The following DYNC2H1 variants were observed in gnomAD, a reference collection of about 807,000 sequenced individuals.
DYNC2H1 encodes the protein cytoplasmic dynein 2 heavy chain 1.
DYNC2H1 carries 410 observed loss-of-function variants against 570.0 expected under a neutral mutation model. The observed-to-expected ratio is 0.72, with a 90% CI of 0.66 to 0.78. The LOEUF (loss-of-function observed/expected upper bound fraction) is 0.78, where lower values mean the gene tolerates loss of function less well. DYNC2H1 is among the 30% of genes least tolerant of loss of function. DYNC2H1 has a pLI of 0.00. For synonymous variants in DYNC2H1, 1,688 were observed against 1,677.6 expected, an observed-to-expected ratio of 1.01 and a Z score of -0.15; for missense variants, 4,865 against 5,046.4, an observed-to-expected ratio of 0.96 and a Z score of 1.09.
Position 103,209,200 on chromosome 11 carries a change from A to G in DYNC2H1, c.8455-676A>G, listed in dbSNP as rs1156649996. Among the ~76,000 whole-genome samples the G allele has an allele frequency of 1.3e-5, 2 of 152,052 alleles. No homozygotes were observed. On this transcript the variant is annotated intron_variant, in intron 52 of 88. Coordinates refer to ENST00000375735, the MANE Select transcript of DYNC2H1 (RefSeq NM_001377.3). The surrounding 1 kb of genome is among the most constrained non-coding windows in gnomAD (Gnocchi z 4.2). ...TCTTCTTGCTGGTAACTTCAGCTCT[A>G]TCAGGTGAAAGAAATTGAAGCTATT...
At chr11:103,370,213 C>T (rs1017868077) in intron 83 of DYNC2H1, among the ~76,000 whole-genome samples, 5 of 152,164 alleles carry the variant, frequency 3.3e-5, no homozygotes, top group Admixed American at 3.3e-4. Flanking sequence ...GCAGTGGCCA[C>T]GAGTGAGGCT....
intron 83 of DYNC2H1, among the ~76,000 whole-genome samples, chr11:103,387,179 T>C (rs1431792021): frequency 1.3e-5 from 2 of 152,238 alleles, no homozygotes; most frequent in Admixed American, 1.3e-4. Context: ...CCTGACTTTT[T>C]AATGATTGAC....
chr11:103,290,773 C>T (rs1046494457), intron 75 of DYNC2H1, among the ~76,000 whole-genome samples: 2 of 152,076 alleles, frequency 1.3e-5, no homozygotes, highest in Non-Finnish European at 2.9e-5. Flanking sequence ...TTAATTTCTG[C>T]ATGTGTGTTG....
chr11:103,193,801 G>A (rs1172797213), intron 47 of DYNC2H1, among the ~76,000 whole-genome samples: 2 of 152,018 alleles, frequency 1.3e-5, no homozygotes, highest in Non-Finnish European at 2.9e-5. Context: ...GCCCGCCTTG[G>A]CCTCCCAAGG....
At chr11:103,386,578 C>T (rs1341344915) in intron 83 of DYNC2H1, among the ~76,000 whole-genome samples, 1 of 151,984 alleles carries the variant, frequency 6.6e-6, no homozygotes, top group Admixed American at 6.6e-5. Context: ...TATACATGTG[C>T]CATGTTGGTG....
At chr11:103,476,564 A>ACACC in intron 88 of DYNC2H1, among the ~76,000 whole-genome samples, 1 of 152,336 alleles carries the variant, frequency 6.6e-6, no homozygotes, top group Admixed American at 6.5e-5. Flanking sequence ...TAATTAGAAA[A>ACACC]ATTTAGGACA....
chr11:103,406,176 G>A (rs1408146049), intron 84 of DYNC2H1: 3 of 151,832 alleles, frequency 2.0e-5, no homozygotes, highest in Non-Finnish European at 4.4e-5. Context: ...ACTTACTAAG[G>A]GCTTTGAAGG....
chr11:103,230,403 A>G (rs1217345323), intron 59 of DYNC2H1, among the ~76,000 whole-genome samples: 3 of 152,258 alleles, frequency 2.0e-5, no homozygotes, highest in East Asian at 1.9e-4. Flanking sequence ...TTGAGAGGAT[A>G]AGGTGTCAGT....
chr11:103,357,306 G>A (rs542047904), intron 82 of DYNC2H1, among the ~76,000 whole-genome samples: 4 of 152,090 alleles, frequency 2.6e-5, no homozygotes, highest in Non-Finnish European at 2.9e-5. Flanking sequence ...CATTATAGAA[G>A]TGAAAGCCCT....
intron 82 of DYNC2H1, among the ~76,000 whole-genome samples, chr11:103,338,351 T>A (rs1939263186): frequency 6.6e-6 from 1 of 152,210 alleles, no homozygotes; most frequent in Non-Finnish European, 1.5e-5. Context: ...GCTTTAGGTA[T>A]TCTGGATCTT....
In DYNC2H1 at chr11:103,109,774, G is replaced by A. The variant is rs774148120; in HGVS notation, c.195+5G>A. On this transcript the variant is annotated splice_donor_5th_base_variant and intron_variant, in intron 1 of 88. Transcript: ENST00000375735. ...GGAATCTCCTTTTCCAACACGGTAC[G>A]GTTCCTTGCACTCCTGCCTGACCCC... The A allele has an allele frequency of 6.2e-6, 10 of 1,610,064 alleles. No individual in the cohort carries two copies. The highest frequency in any genetic ancestry group is 1.7e-4 in the Middle Eastern group (1 of 5,792).
At chr11:103,276,570 GAATA>G (rs1865913985) in intron 70 of DYNC2H1, among the ~76,000 whole-genome samples, 1 of 151,738 alleles carries the variant, frequency 6.6e-6, no homozygotes, top group Non-Finnish European at 1.5e-5. Context: ...ATACACATAA[GAATA>G]AAGAAAACAA....
In DYNC2H1 at chr11:103,158,372, C is replaced by T. The variant is rs1180130488; in HGVS notation, c.4128-305C>T. ...GCTGAGGCAGGTGAATGTCAGGAAC[C>T]CAGGAGGCGGAGTTTGCAGTGAGCA... On this transcript the variant is annotated intron_variant, in intron 26 of 88. Coordinates refer to ENST00000375735, the MANE Select transcript of DYNC2H1 (RefSeq NM_001377.3). 2.6e-5 allele frequency among the ~76,000 whole-genome samples: 4 copies of T among 152,074 alleles called. No homozygotes were observed. In the East Asian group the frequency reaches 7.7e-4, roughly 29 times the overall value.
intron 65 of DYNC2H1, among the ~76,000 whole-genome samples, chr11:103,248,269 G>A (rs1360208956): frequency 6.6e-6 from 1 of 151,896 alleles, no homozygotes; most frequent in East Asian, 1.9e-4. Context: ...AATGTGAAAA[G>A]TTTTCCCACT....
intron 17 of DYNC2H1, among the ~76,000 whole-genome samples, chr11:103,137,322 A>G (rs1295129142): frequency 2.0e-5 from 3 of 149,084 alleles, no homozygotes; most frequent in African/African-American, 7.4e-5. Flanking sequence ...CCTGAATGGT[A>G]ATGCCTAGGT....
chr11:103,277,948 TAGAA>T lies in DYNC2H1; in HGVS notation c.10696-2390_10696-2387del, dbSNP rs1353306062. On this transcript the variant is annotated intron_variant, in intron 70 of 88. Transcript: ENST00000375735. This position sits in a 1 kb window ranked among gnomAD's most constrained non-coding sequence, Gnocchi z 4.3. ...TGTAATTCTTTAAGGGCCCAAGTTT[TAGAA>T]AGAAAGAAATCTCATTGTTAATATT... is the stretch of plus-strand genomic sequence containing the variant. 6.6e-6 allele frequency among the ~76,000 whole-genome samples: 1 copy of T among 152,170 alleles called. No homozygotes were observed. The highest frequency in any genetic ancestry group is 6.5e-5 in the Admixed American group (1 of 15,274).
intron 40 of DYNC2H1, among the ~76,000 whole-genome samples, chr11:103,183,713 C>T (rs1490507449): frequency 6.6e-6 from 1 of 151,748 alleles, no homozygotes; most frequent in Non-Finnish European, 1.5e-5. Flanking sequence ...AAAATATGTA[C>T]ATTTCCTTTA....
intron 13 of DYNC2H1, among the ~76,000 whole-genome samples, chr11:103,131,360 C>T (rs1179061223): frequency 1.3e-5 from 2 of 152,160 alleles, no homozygotes; most frequent in East Asian, 3.9e-4. Flanking sequence ...GTGTCGCAAT[C>T]TCGGCTCACT....
At chr11:103,389,083 G>C (rs1942020723) in intron 83 of DYNC2H1, among the ~76,000 whole-genome samples, 1 of 152,180 alleles carries the variant, frequency 6.6e-6, no homozygotes, top group African/African-American at 2.4e-5. Context: ...AATGGTACCA[G>C]CTCCTCCTTG....
Sources: allele counts gnomAD v4.1 joint callset (sites outside exome capture counted in the v4.1 genomes callset), GRCh38; gene constraint gnomAD v4.1.1; non-coding constraint Gnocchi (gnomAD v3.1); transcripts MANE v1.5; gene names NCBI Gene and HGNC (gene_info 2026-07-23, HGNC 2026-07-21).